MAP9: variants seen among roughly 807,000 people sequenced by gnomAD.
MAP9 encodes the protein microtubule-associated protein 9.
In MAP9, 80 loss-of-function variants were observed where a neutral mutation model predicts 75.2. The ratio of observed to expected loss-of-function variants is 1.06; its 90% CI spans 0.89 to 1.28. MAP9 has a LOEUF of 1.28. MAP9 is among the 50% of genes most tolerant of loss of function. The probability of loss-of-function intolerance (pLI) is 0.00; values close to 1 mark genes in which losing one functional copy is unlikely to be tolerated. For missense variants in MAP9, 753 were observed against 719.9 expected, an observed-to-expected ratio of 1.05 and a Z score of -0.53; for synonymous variants, 235 against 237.3, an observed-to-expected ratio of 0.99 and a Z score of 0.09.
chr4:155,368,735 G>A lies in MAP9; in HGVS notation c.559C>T (p.His187Tyr), dbSNP rs769653858. The A allele has an allele frequency of 1.2e-6, 2 of 1,614,008 alleles. No homozygotes were observed. Among genetic ancestry groups the A allele is most frequent in the Non-Finnish European group, 1.7e-6 (2 of 1,179,904 alleles). ...TCTAGTCCATCCTTCTCCTCCATGT[G>A]ACTTTTCTTTTTCAACATACTCCTT... ...RPRSMLKKKS[H>Y]MEEKDGLEDK... Residue 187 changes from histidine (H) to tyrosine (Y), a missense_variant, in exon 5 of 14, where the codon CAC (histidine) becomes TAC (tyrosine). By Grantham distance (83) the His-to-Tyr change is moderately conservative. Coordinates refer to ENST00000311277, the MANE Select transcript of MAP9 (RefSeq NM_001039580.2).
chr4:155,364,756 T>C (rs1367522571), intron 5 of MAP9, among the ~76,000 whole-genome samples: 1 of 151,318 alleles, frequency 6.6e-6, no homozygotes, highest in Non-Finnish European at 1.5e-5. Context: ...TATGGAACTA[T>C]ATTATTCCAA....
rs2111166523 is a variant in MAP9 at position 155,345,300 on chromosome 4, G to A, written c.*2483C>T. ...AGGAAATAATATGTTATTTATCATAGTAAGACAAAAAAAATTTGAAGTGAA... is the reference window on the plus strand; with the variant it reads ...AGGAAATAATATGTTATTTATCATAATAAGACAAAAAAAATTTGAAGTGAA... On this transcript the variant is annotated 3_prime_UTR_variant, in exon 14 of 14. Transcript: ENST00000311277. 6.6e-6 allele frequency: 1 copy of A among 152,058 alleles called. No individual in the cohort carries two copies. The highest frequency in any genetic ancestry group is 2.1e-4 in the South Asian group (1 of 4,830). 9.4% of individuals were successfully genotyped at this position (152,058 alleles called of 1,614,324 possible). A position where few individuals can be genotyped will look rare whatever the true frequency, so the allele number is the denominator to read the frequency against.
chr4:155,374,151 C>T (rs1034374037), intron 3 of MAP9, among the ~76,000 whole-genome samples: 2 of 151,968 alleles, frequency 1.3e-5, no homozygotes, highest in African/African-American at 2.4e-5. Context: ...CCAGCCTGGC[C>T]GATGTGGTGA....
chr4:155,369,159 A>C (rs1350458900), intron 4 of MAP9, among the ~76,000 whole-genome samples: 2 of 151,954 alleles, frequency 1.3e-5, no homozygotes, highest in African/African-American at 4.8e-5. Context: ...TGTCTCTACT[A>C]AAAATACAAA....
In MAP9 at chr4:155,347,767, G is replaced by A; in HGVS notation, c.*16C>T. The stretch of plus-strand genomic sequence containing the variant: ...GCAAACCGATAAATAACCAAATAAT[G>A]TAAGAACTAGAATTATCAAAACACT... On this transcript the variant is annotated 3_prime_UTR_variant, in exon 14 of 14. Transcript: ENST00000311277. The A allele has an allele frequency of 3.2e-6, 5 of 1,576,452 alleles. No homozygotes were observed. The highest frequency in any genetic ancestry group is 4.3e-6 in the Non-Finnish European group (5 of 1,165,386).
chr4:155,368,665 G>GC lies in MAP9; in HGVS notation c.628dup (p.Ala210GlyfsTer16), dbSNP rs1160545850. Reference sequence around the variant, plus strand: ...ATTCGGCGTTGGAAGGGAAGAAGGTGCAGAATGTAACTCCAATTCTTCACT... The same window carrying GC: ...ATTCGGCGTTGGAAGGGAAGAAGGTGCCAGAATGTAACTCCAATTCTTCACT... On this transcript the variant is annotated frameshift_variant, in exon 5 of 14. Coordinates refer to ENST00000311277, the MANE Select transcript of MAP9 (RefSeq NM_001039580.2). LOFTEE classifies it high-confidence loss of function. 6.2e-7 allele frequency: 1 copy of GC among 1,614,164 alleles called. No homozygotes were observed. Among genetic ancestry groups the GC allele is most frequent in the East Asian group, 2.2e-5 (1 of 44,884 alleles).
At chr4:155,350,213 T>G (rs1254828148) in intron 13 of MAP9, 7 of 452,944 alleles carry the variant, frequency 1.5e-5, no homozygotes, top group Non-Finnish European at 3.1e-5. Flanking sequence ...ATTAGACTCC[T>G]ATACAGGGGC....
intron 5 of MAP9, among the ~76,000 whole-genome samples, chr4:155,363,664 C>A (rs1299518060): frequency 6.6e-6 from 1 of 152,088 alleles, no homozygotes; most frequent in East Asian, 1.9e-4. Flanking sequence ...TACTTTGCAA[C>A]TGCAAATGGA....
intron 13 of MAP9, among the ~76,000 whole-genome samples, chr4:155,349,148 G>A (rs938947336): frequency 6.3e-5 from 4 of 63,268 alleles, no homozygotes; most frequent in Non-Finnish European, 1.0e-4. Flanking sequence ...GAAGCCACTC[G>A]TGATAAATAT....
rs1732007637 is a variant in MAP9 at position 155,360,239 on chromosome 4, T to C, written c.979A>G (p.Arg327Gly). 3.1e-6 allele frequency: 5 copies of C among 1,613,014 alleles called. No homozygotes were observed. Among genetic ancestry groups the C allele is most frequent in the Non-Finnish European group, 4.2e-6 (5 of 1,179,194 alleles). ...TTAGATAGTAGTGGATCAACTGTTC[T>C]GTCATCATCCATAATCAGTTCCGCT... ...AKAELIMDDD[R>G]TVDPLLSKSQ... The change falls in exon 7 of 14, where the codon AGA (arginine) becomes GGA (glycine). Residue 327 changes from arginine to glycine, a missense_variant. Arg to Gly is a moderately radical substitution (Grantham distance 125). Transcript: ENST00000311277.
At chr4:155,350,794 A>T (rs1378530824) in intron 13 of MAP9, among the ~76,000 whole-genome samples, 1 of 151,984 alleles carries the variant, frequency 6.6e-6, no homozygotes, top group Non-Finnish European at 1.5e-5. Flanking sequence ...AAATGACTTC[A>T]GGGAGAGCTG....
Position 155,346,532 on chromosome 4 carries a change from T to C in MAP9, c.*1251A>G, listed in dbSNP as rs548148417. The C allele has an allele frequency of 6.6e-6, 1 of 152,244 alleles. No individual in the cohort carries two copies. Among genetic ancestry groups the C allele is most frequent in the African/African-American group, 2.4e-5 (1 of 41,558 alleles). 9.4% of individuals were successfully genotyped at this position (152,244 alleles called of 1,614,324 possible). A position where few individuals can be genotyped will look rare whatever the true frequency, so the allele number is the denominator to read the frequency against. On this transcript the variant is annotated 3_prime_UTR_variant, in exon 14 of 14. Transcript: ENST00000311277. ...GTCAGACGTACTGAATCCCGTTTGA[T>C]CTCAACTCAGGCACACTCCAGATGG... is the stretch of plus-strand genomic sequence containing the variant.
intron 5 of MAP9, among the ~76,000 whole-genome samples, chr4:155,363,679 T>C (rs946863777): frequency 1.3e-5 from 2 of 152,080 alleles, no homozygotes; most frequent in African/African-American, 4.8e-5. Flanking sequence ...AATGGAACTC[T>C]CACGACATAC....
chr4:155,376,608 T>G (rs1732859786), intron 1 of MAP9, 163 bp downstream of exon 1: 1 of 152,654 alleles, frequency 6.6e-6, no homozygotes, highest in Non-Finnish European at 1.5e-5. Context: ...CGCCGTATGC[T>G]GAGCACCAGC....
In MAP9 at chr4:155,366,698, A is replaced by T. The variant is rs528770395; in HGVS notation, c.708+1888T>A. Among the ~76,000 whole-genome samples, 16 of 152,342 alleles carry T rather than the reference A, an allele frequency of 1.1e-4. No individual in the cohort carries two copies. The South Asian group carries it at 2.9e-3, about 28-fold the overall frequency. ...ACTATCGTGAACAACTCTGTTTATA[A>T]ACTCAACATATCAGATGAAATGGAC... On this transcript the variant is annotated intron_variant, in intron 5 of 13. Coordinates refer to ENST00000311277, the MANE Select transcript of MAP9 (RefSeq NM_001039580.2).
chr4:155,343,018 G>A lies in MAP9; in HGVS notation c.*4765C>T, dbSNP rs1159738668. 1.3e-5 allele frequency: 2 copies of A among 151,882 alleles called. No individual in the cohort carries two copies. Among genetic ancestry groups the A allele is most frequent in the African/African-American group, 4.8e-5 (2 of 41,380 alleles). The allele number at this position is 151,882 out of a possible 1,614,324, so 9.4% of individuals were successfully genotyped here. ...CAAATTGCCCATTAACAATGAAATT[G>A]TAGTTACAGCATCTAAAATTATTAG... On this transcript the variant is annotated 3_prime_UTR_variant, in exon 14 of 14. Coordinates refer to ENST00000311277, the MANE Select transcript of MAP9 (RefSeq NM_001039580.2).
chr4:155,358,218 T>C (rs1314764436), intron 7 of MAP9, among the ~76,000 whole-genome samples: 1 of 152,218 alleles, frequency 6.6e-6, no homozygotes, highest in Middle Eastern at 3.2e-3. Context: ...TAATTTAGAA[T>C]TGCCTCTATT....
intron 5 of MAP9, among the ~76,000 whole-genome samples, chr4:155,366,358 C>CA (rs35437967): frequency 0.38 from 47,884 of 126,270 alleles, 9,457 homozygotes; most frequent in East Asian, 0.61. Flanking sequence ...GACTCTGTCT[C>CA]AAAAAAAAAA....
At chr4:155,372,270 G>A (rs919954678) in intron 4 of MAP9, among the ~76,000 whole-genome samples, 2 of 152,146 alleles carry the variant, frequency 1.3e-5, no homozygotes, top group Non-Finnish European at 2.9e-5. Flanking sequence ...AATATGCAAA[G>A]TATGAAATAT....
Sources: gnomAD v4.1 joint callset for allele counts (sites outside exome capture counted in the v4.1 genomes callset) on GRCh38, gnomAD v4.1.1 for gene constraint, MANE v1.5 for transcripts, NCBI Gene and HGNC (gene_info 2026-07-23, HGNC 2026-07-21) for gene names.